Variants in CLVS1 observed in about 807,000 individuals in gnomAD.
The protein encoded by CLVS1 is clavesin-1.
A neutral mutation model predicts 33.1 loss-of-function variants in CLVS1; 10 were observed. That is an observed-to-expected ratio of 0.30 (90% confidence interval 0.19 to 0.51). The LOEUF (loss-of-function observed/expected upper bound fraction) is 0.51. Among genes scored for constraint, CLVS1 ranks in the 20% least tolerant of loss-of-function variants. CLVS1 has a pLI of 0.97. For missense variants in CLVS1, 343 were observed against 433.4 expected, an observed-to-expected ratio of 0.79 and a Z score of 1.85; for synonymous variants, 163 against 166.1, an observed-to-expected ratio of 0.98 and a Z score of 0.14.
chr8:61,045,742 G>C, the CLVS1 span, among the ~76,000 whole-genome samples: 47 of 152,314 alleles, frequency 3.1e-4, no homozygotes, highest in Non-Finnish European at 4.1e-4. Context: ...TAGGTAACCT[G>C]GTTCTTGGAG....
At chr8:61,452,054 A>T (rs116100504) in intron 3 of CLVS1, among the ~76,000 whole-genome samples, 2,365 of 152,346 alleles carry the variant, frequency 0.016, 27 homozygotes, top group South Asian at 0.039. Flanking sequence ...CTTGAGTCAG[A>T]TCAATGAAAG....
Position 61,084,754 on chromosome 8 carries a change from A to G in CLVS1, c.-243+27524A>G, listed in dbSNP as rs555840559. Among the ~76,000 whole-genome samples the G allele has an allele frequency of 2.6e-5, 4 of 152,354 alleles. No individual in the cohort carries two copies. In the East Asian group the frequency reaches 7.7e-4, roughly 29 times the overall value. ...GTGAAAGTTTCTTGAAATAGAAGAG[A>G]CAAGCTGCAGAGAAATCCCAATACT... On this transcript the variant is annotated intron_variant, in intron 1 of 2. Transcript: ENST00000522621.
upstream of CLVS1, among the ~76,000 whole-genome samples, chr8:61,283,972 G>A (rs1809725517): frequency 6.6e-6 from 1 of 152,108 alleles, no homozygotes; most frequent in Admixed American, 6.6e-5. Context: ...CCAATATATG[G>A]AATCGGCCTA....
At chr8:61,145,750 C>T (rs1174762186) in intron 2 of CLVS1, among the ~76,000 whole-genome samples, 2 of 152,172 alleles carry the variant, frequency 1.3e-5, no homozygotes, top group Non-Finnish European at 2.9e-5. Flanking sequence ...CTGCTGGAAA[C>T]GATTGTGGTC....
At chr8:61,474,384 G>T (rs1361022174) in intron 5 of CLVS1, among the ~76,000 whole-genome samples, 1 of 152,162 alleles carries the variant, frequency 6.6e-6, no homozygotes, top group East Asian at 1.9e-4. Context: ...AGATGCAGCG[G>T]GCTCAGAAGT....
chr8:61,199,579 A>G (rs924959772), intron 2 of CLVS1, among the ~76,000 whole-genome samples: 1 of 152,236 alleles, frequency 6.6e-6, no homozygotes, highest in Non-Finnish European at 1.5e-5. Context: ...TCCAGCCAGA[A>G]TGGCCCAAAA....
At chr8:61,050,685 A>G in the CLVS1 span, among the ~76,000 whole-genome samples, 1 of 152,182 alleles carries the variant, frequency 6.6e-6, no homozygotes, top group African/African-American at 2.4e-5. Flanking sequence ...CTGCCTACAG[A>G]TGATCCACTT....
chr8:61,490,961 CA>C lies in CLVS1; in HGVS notation c.978-8483del, dbSNP rs111874903. Among the ~76,000 whole-genome samples the C allele has an allele frequency of 1.1e-3, 130 of 123,006 alleles. 1 individual carries two copies. The highest frequency in any genetic ancestry group is 7.6e-3 in the South Asian group (29 of 3,822). The allele number at this position is 123,006 out of a possible 152,430, so 80.7% of individuals were successfully genotyped here. On this transcript the variant is annotated intron_variant, in intron 5 of 5. Transcript: ENST00000325897. ...GGGCAACAGAGCCAGACTCCATCTC[CA>C]AAAAAAAAAAGAAAAAAAAAAGAAA...
chr8:61,442,789 G>C (rs780585946), intron 3 of CLVS1, among the ~76,000 whole-genome samples: 3 of 152,094 alleles, frequency 2.0e-5, no homozygotes, highest in Non-Finnish European at 4.4e-5. Context: ...TAATACAGAT[G>C]GGGTTTCACC....
At chr8:61,251,977 G>A (rs948960770) in intron 2 of CLVS1, among the ~76,000 whole-genome samples, 1 of 151,926 alleles carries the variant, frequency 6.6e-6, no homozygotes, top group Non-Finnish European at 1.5e-5. Flanking sequence ...TTTGTTTGCT[G>A]TTGCTTCTCT....
intron 4 of CLVS1, 41 bp downstream of exon 4, chr8:61,454,292 T>A: frequency 7.0e-7 from 1 of 1,436,950 alleles, no homozygotes; most frequent in Non-Finnish European, 9.8e-7. Flanking sequence ...CTGGTACAAT[T>A]TTGGTGCTTC....
At chr8:61,206,879 G>A (rs978393129) in intron 2 of CLVS1, among the ~76,000 whole-genome samples, 2 of 152,112 alleles carry the variant, frequency 1.3e-5, no homozygotes, top group Non-Finnish European at 2.9e-5. Flanking sequence ...GAGCCAGTGC[G>A]CCCGGCATCT....
rs145979047 is a variant in CLVS1, at chr8:61,362,443, A to T, written c.456-14162A>T. On this transcript the variant is annotated intron_variant, in intron 2 of 5. Transcript: ENST00000325897. Reference sequence around the variant, plus strand: ...CGGGAACCTTGTACCCACTGTACACATAACTGTTCATCTGGTTTCACTGAG... The same window carrying T: ...CGGGAACCTTGTACCCACTGTACACTTAACTGTTCATCTGGTTTCACTGAG... Among the ~76,000 whole-genome samples, 65 of 152,344 alleles carry T rather than the reference A, an allele frequency of 4.3e-4. 1 individual carries two copies. In the East Asian group the frequency reaches 8.5e-3, roughly 20 times the overall value.
At chr8:60,985,799 T>C in the CLVS1 span, among the ~76,000 whole-genome samples, 1 of 141,130 alleles carries the variant, frequency 7.1e-6, no homozygotes, top group Non-Finnish European at 1.5e-5. Context: ...AGAGGGCTGC[T>C]GTGAAAAAAA....
At chr8:61,037,820 C>T in the CLVS1 span, among the ~76,000 whole-genome samples, 2 of 152,312 alleles carry the variant, frequency 1.3e-5, no homozygotes, top group South Asian at 2.1e-4. Context: ...CAGGCAAACA[C>T]ACCAGTTGGC....
At chr8:61,065,151 C>G (rs982779694) in intron 1 of CLVS1, among the ~76,000 whole-genome samples, 1 of 152,208 alleles carries the variant, frequency 6.6e-6, no homozygotes, top group East Asian at 1.9e-4. Flanking sequence ...GCTCAAGTCC[C>G]TTATGTAAAC....
chr8:61,413,751 A>C (rs1284438566), intron 3 of CLVS1, among the ~76,000 whole-genome samples: 1 of 152,158 alleles, frequency 6.6e-6, no homozygotes, highest in Non-Finnish European at 1.5e-5. Flanking sequence ...CAAGGAACAA[A>C]TCTGTGGGTT....
At chr8:61,403,749 C>T (rs941904330) in intron 3 of CLVS1, among the ~76,000 whole-genome samples, 2 of 152,130 alleles carry the variant, frequency 1.3e-5, no homozygotes, top group Non-Finnish European at 2.9e-5. Context: ...ACATTGTAAA[C>T]ATTAAATATT....
intron 2 of CLVS1, among the ~76,000 whole-genome samples, chr8:61,324,885 G>A (rs1486720858): frequency 6.6e-6 from 1 of 151,986 alleles, no homozygotes; most frequent in African/African-American, 2.4e-5. Context: ...AGAGATTTGT[G>A]GACTAAAATG....
Sources: allele counts gnomAD v4.1 joint callset (sites outside exome capture counted in the v4.1 genomes callset), GRCh38; gene constraint gnomAD v4.1.1; transcripts MANE v1.5; gene names NCBI Gene and HGNC (gene_info 2026-07-23, HGNC 2026-07-21).